Variants in BBS5 observed in about 807,000 individuals in gnomAD.
BBS5 encodes the protein Bardet-Biedl syndrome 5.
In BBS5, 39 loss-of-function variants were observed where a neutral mutation model predicts 50.2. The ratio of observed to expected loss-of-function variants is 0.78; its 90% CI spans 0.60 to 1.01. The LOEUF is 1.01. Among genes scored for constraint, BBS5 ranks in the 50% least tolerant of loss-of-function variants. The pLI is 0.00. For missense variants in BBS5, 356 were observed against 401.5 expected (o/e 0.89, Z 0.97); for synonymous variants, 134 against 133.1 (o/e 1.01, Z -0.05).
In BBS5 at chr2:169,479,585, G is replaced by A. The variant is rs150931960; in HGVS notation, c.32G>A (p.Arg11Gln). The A allele has an allele frequency of 3.4e-4, 541 of 1,614,060 alleles. 3 individuals carry two copies. The highest frequency in any genetic ancestry group is 4.9e-4 in the Middle Eastern group (3 of 6,084). ...GTGCTGGATGCGCTTTGGGAGGATC[G>A]GGATGTCCGTTTCGACCTGTCCGCG... MSVLDALWED[R>Q]DVRFDLSAQQ... The change falls in exon 1 of 12, where the codon CGG (arginine) becomes CAG (glutamine). Residue 11 changes from arginine (R) to glutamine (Q), a missense_variant. Physicochemically the swap from Arg to Gln is conservative, Grantham distance 43. Transcript: ENST00000295240.
rs7575394 is a variant in BBS5, at chr2:169,505,575, G to A, written c.*993G>A. 2.8e-3 allele frequency: 735 copies of A among 266,272 alleles called. 8 individuals are homozygous for A. The highest frequency in any genetic ancestry group is 0.017 in the African/African-American group (694 of 42,056). The allele number at this position is 266,272 out of a possible 1,614,324, so 16.5% of individuals were successfully genotyped here. ...GAGCTTCTCTGCCTGGCCGCCCATC[G>A]TCTGAGATGTGGGGAGCACCTCTGC... On this transcript the variant is annotated 3_prime_UTR_variant, in exon 12 of 12. Transcript: ENST00000295240.
Position 169,497,681 on chromosome 2 carries a change from T to C in BBS5, c.673T>C (p.Ser225Pro), listed in dbSNP as rs768760343. 3.2e-6 allele frequency: 5 copies of C among 1,585,316 alleles called. No individual in the cohort carries two copies. Among genetic ancestry groups the C allele is most frequent in the Non-Finnish European group, 4.3e-6 (5 of 1,154,454 alleles). Reference protein sequence around the residue: ...KFGLALVIESSQQSGGYVLGF... With the variant: ...KFGLALVIESPQQSGGYVLGF... ...TGGTTTAGCTCTTGTCATAGAAAGC[T>C]CTCAGCAGGTAAGATCTTGTATATT... Residue 225 changes from serine (S) to proline (P), a missense_variant, in exon 8 of 12, where the codon TCT becomes CCT. Ser to Pro is a moderately conservative substitution (Grantham distance 74). Transcript: ENST00000295240.
At position 169,497,631 on chromosome 2, in the gene BBS5, C is replaced by T; in HGVS notation, c.623C>T (p.Ser208Leu). ...NVSIPYLQIR[S>L]IKIRDSKFGL... ...TCTTTTTCATTTTGTATCTAGCGTT[C>T]AATAAAGATTAGAGATTCAAAATTT... Residue 208 changes from serine (S) to leucine (L), a missense_variant, in exon 8 of 12, where the codon TCA becomes TTA. Coordinates refer to ENST00000295240, the MANE Select transcript of BBS5 (RefSeq NM_152384.3). The T allele has an allele frequency of 1.9e-6, 3 of 1,580,262 alleles. No homozygotes were observed. In the Admixed American group the frequency reaches 5.0e-5, roughly 26 times the overall value.
chr2:169,499,357 T>C (rs1683755427), intron 8 of BBS5, 129 bp from the exon 9 acceptor site: 4 of 1,015,602 alleles, frequency 3.9e-6, no homozygotes, highest in Non-Finnish European at 5.7e-6. Flanking sequence ...TAATAAAAAG[T>C]TTAATTGAAA....
At position 169,504,862 on chromosome 2, in the gene BBS5, C is replaced by T. The variant is rs1419407609; in HGVS notation, c.*280C>T. ...GCTGGATTCCTCAGGCCCGGGCGCT[C>T]CTACAGCAGTGCCTGCACGCCCGGC... On this transcript the variant is annotated 3_prime_UTR_variant, in exon 12 of 12. Coordinates refer to ENST00000295240, the MANE Select transcript of BBS5 (RefSeq NM_152384.3). The T allele has an allele frequency of 1.2e-6, 2 of 1,612,456 alleles. No homozygotes were observed. Among genetic ancestry groups the T allele is most frequent in the East Asian group, 4.5e-5 (2 of 44,854 alleles).
At position 169,506,082 on chromosome 2, in the gene BBS5, G is replaced by T. The variant is rs533242187; in HGVS notation, c.*1500G>T. ...TCTGCCCGGCTGCCCCTACTGGGAAGTGAGGAGCCCCTCTGCCCGGCCAGC... is the reference window on the plus strand; with the variant it reads ...TCTGCCCGGCTGCCCCTACTGGGAATTGAGGAGCCCCTCTGCCCGGCCAGC... On this transcript the variant is annotated 3_prime_UTR_variant, in exon 12 of 12. Transcript: ENST00000295240. 7.9e-3 allele frequency: 1,189 copies of T among 151,026 alleles called. 32 individuals carry two copies. Among genetic ancestry groups the T allele is most frequent in the Admixed American group, 0.052 (778 of 14,892 alleles). 9.4% of individuals were successfully genotyped at this position (151,026 alleles called of 1,614,324 possible).
At chr2:169,480,893 G>A (rs973935343) in intron 1 of BBS5, among the ~76,000 whole-genome samples, 1 of 151,924 alleles carries the variant, frequency 6.6e-6, no homozygotes, top group Non-Finnish European at 1.5e-5. Context: ...GTTGAGGCTG[G>A]TCTCGAACTC....
chr2:169,489,755 GTA>G (rs1683557405), intron 5 of BBS5, among the ~76,000 whole-genome samples: 1 of 147,208 alleles, frequency 6.8e-6, no homozygotes, highest in Non-Finnish European at 1.5e-5. Flanking sequence ...ATAGGTATGT[GTA>G]TATATGTGTG....
chr2:169,484,255 C>T lies in BBS5; in HGVS notation c.142+1922C>T, dbSNP rs1406081245. 2.6e-5 allele frequency among the ~76,000 whole-genome samples: 4 copies of T among 152,112 alleles called. No individual in the cohort carries two copies. The South Asian group carries it at 6.2e-4, about 24-fold the overall frequency. On this transcript the variant is annotated intron_variant, in intron 2 of 11. Transcript: ENST00000295240. ...AGAATTAGCCATGTGTGGTGTTGTG[C>T]GCCTGTGGCCCCAGCTACTGGGGAG...
chr2:169,484,957 G>T (rs1270720768), intron 2 of BBS5, among the ~76,000 whole-genome samples: 1 of 149,184 alleles, frequency 6.7e-6, no homozygotes, highest in Admixed American at 6.7e-5. Flanking sequence ...GGAGCCATAG[G>T]CTGGGGTTCT....
At chr2:169,500,548 C>G (rs1442921640) in intron 9 of BBS5, among the ~76,000 whole-genome samples, 1 of 152,186 alleles carries the variant, frequency 6.6e-6, no homozygotes, top group Non-Finnish European at 1.5e-5. Context: ...ATTGTTGGTG[C>G]CCTTGCCGTT....
At chr2:169,492,458 C>G (rs960016999) in intron 5 of BBS5, among the ~76,000 whole-genome samples, 13 of 150,530 alleles carry the variant, frequency 8.6e-5, no homozygotes, top group African/African-American at 2.2e-4. Context: ...CCACTGCACT[C>G]CAGCCTGATG....
intron 2 of BBS5, among the ~76,000 whole-genome samples, chr2:169,484,402 C>CTGTG (rs34397673): frequency 0.05 from 7,540 of 150,754 alleles, 213 homozygotes; most frequent in East Asian, 0.13. Context: ...ATAGAAATAA[C>CTGTG]TGTGTGTGTG....
chr2:169,486,569 A>G (rs1683491407), intron 2 of BBS5, among the ~76,000 whole-genome samples: 2 of 152,208 alleles, frequency 1.3e-5, no homozygotes, highest in Admixed American at 1.3e-4. Flanking sequence ...TAGGAACAAA[A>G]TAGTTTGCTC....
intron 5 of BBS5, among the ~76,000 whole-genome samples, chr2:169,490,092 G>A (rs1159550410): frequency 1.3e-5 from 2 of 148,416 alleles, no homozygotes; most frequent in Non-Finnish European, 3.0e-5. Flanking sequence ...AGCCAGTATG[G>A]TCTTGATCTC....
chr2:169,493,850 T>A lies in BBS5; in HGVS notation c.618+14T>A. 2 of 1,475,646 alleles carry A rather than the reference T, an allele frequency of 1.4e-6. No homozygotes were observed. The highest frequency in any genetic ancestry group is 1.9e-6 in the Non-Finnish European group (2 of 1,055,048). The allele number at this position is 1,475,646 out of a possible 1,614,324, so 91.4% of individuals were successfully genotyped here. On this transcript the variant is annotated intron_variant, in intron 7 of 11. Coordinates refer to ENST00000295240, the MANE Select transcript of BBS5 (RefSeq NM_152384.3). Reference sequence around the variant, plus strand: ...TATCTGCAAATTGTAAGTACATACATTTTGATGACCTTATTTTAATGTAAA... The same window carrying A: ...TATCTGCAAATTGTAAGTACATACAATTTGATGACCTTATTTTAATGTAAA...
At position 169,489,851 on chromosome 2, in the gene BBS5, CTTTTTTTTTTTTTTTTTTTT is replaced by C. The variant is rs71003093; in HGVS notation, c.386+1759_386+1778del. Among the ~76,000 whole-genome samples the C allele has an allele frequency of 6.1e-3, 404 of 65,850 alleles. 3 individuals carry two copies. The highest frequency in any genetic ancestry group is 0.031 in the African/African-American group (367 of 12,018). 43.2% of individuals were successfully genotyped at this position (65,850 alleles called of 152,430 possible). A position where few individuals can be genotyped will look rare whatever the true frequency, so the allele number is the denominator to read the frequency against. On this transcript the variant is annotated intron_variant, in intron 5 of 11. Transcript: ENST00000295240. ...TATTTTTTGGCTTCTCATAAATTTC[CTTTTTTTTTTTTTTTTTTTT>C]TTTTTTTTTTTTTTTTTTTTTAGAG...
intron 5 of BBS5, among the ~76,000 whole-genome samples, chr2:169,489,564 C>G (rs547460520): frequency 1.8e-4 from 27 of 151,414 alleles, no homozygotes; most frequent in African/African-American, 6.5e-4. Flanking sequence ...CCTCAGCCTC[C>G]CAGAGTGCTG....
chr2:169,481,176 T>G (rs1427940659), intron 1 of BBS5, among the ~76,000 whole-genome samples: 2 of 152,176 alleles, frequency 1.3e-5, no homozygotes, highest in African/African-American at 4.8e-5. Context: ...ATAAATGTGG[T>G]AAATACCATT....
Sources: gnomAD v4.1 joint callset for allele counts (sites outside exome capture counted in the v4.1 genomes callset) on GRCh38, gnomAD v4.1.1 for gene constraint, MANE v1.5 for transcripts, NCBI Gene and HGNC (gene_info 2026-07-23, HGNC 2026-07-21) for gene names.